FREM2: variants seen among roughly 807,000 people sequenced by gnomAD.
The protein encoded by FREM2 is FRAS1 related extracellular matrix 2, also known as FRAS1-related extracellular matrix protein 2.
Under a neutral mutation model 219.9 loss-of-function variants are expected in FREM2, and 119 were observed. That is an observed-to-expected ratio of 0.54 (90% CI 0.47 to 0.63). The LOEUF is 0.63. FREM2 is among the 30% of genes least tolerant of loss of function. FREM2 has a pLI of 0.00. For missense variants in FREM2, 4,030 were observed against 3,993.6 expected, an observed-to-expected ratio of 1.01 and a Z score of -0.25; for synonymous variants, 1,562 against 1,522.8, an observed-to-expected ratio of 1.03 and a Z score of -0.60.
chr13:38,691,885 G>A lies in FREM2; in HGVS notation c.4541G>A (p.Gly1514Glu). ...AGTTTTGAGTTTCAAGTCACCGATG[G>A]ACGTAACCCTGTCTTTCGGACATTC... ...MDSFEFQVTD[G>E]RNPVFRTFRI... Residue 1514 changes from glycine to glutamate, a missense_variant, in exon 1 of 24, where the codon GGA becomes GAA. Gly to Glu is a moderately conservative substitution (Grantham distance 98, BLOSUM62 -2). Around this residue, in one of 2 missense-constraint regions of FREM2, gnomAD observed 3,102 missense variants for 2,950.7 expected, o/e 1.05. Coordinates refer to ENST00000280481, the MANE Select transcript of FREM2 (RefSeq NM_207361.6). 2 of 1,614,086 alleles carry A rather than the reference G, an allele frequency of 1.2e-6. No individual in the cohort carries two copies.
chr13:38,836,690 GGAATTTATCAATTTCTCCTA>G (rs1876722083), intron 6 of FREM2, among the ~76,000 whole-genome samples: 1 of 152,130 alleles, frequency 6.6e-6, no homozygotes, highest in Non-Finnish European at 1.5e-5. Context: ...TATGTGTCCA[GGAATTTATCAATTTCTCCTA>G]GATTTTCTAG....
At chr13:38,876,204 C>A (rs963814549) in intron 19 of FREM2, 44 bp from the exon 20 acceptor site, 8 of 1,613,364 alleles carry the variant, frequency 5.0e-6, no homozygotes, top group African/African-American at 4.0e-5. Flanking sequence ...TCTGATTACA[C>A]CTCAGATTTT....
intron 2 of FREM2, among the ~76,000 whole-genome samples, chr13:38,754,810 A>G (rs372976767): frequency 6.6e-6 from 1 of 151,650 alleles, no homozygotes; most frequent in African/African-American, 2.4e-5. Context: ...TCCAATGCCT[A>G]TATTATGCCA....
chr13:38,765,801 T>C (rs1873411809), intron 3 of FREM2, among the ~76,000 whole-genome samples: 3 of 152,164 alleles, frequency 2.0e-5, no homozygotes, highest in Admixed American at 6.5e-5. Context: ...GGGGGGCTGG[T>C]CTCCCCGCGG....
chr13:38,877,342 T>A, intron 21 of FREM2, 99 bp downstream of exon 21: 1 of 1,335,806 alleles, frequency 7.5e-7, no homozygotes, highest in Non-Finnish European at 1.1e-6. Flanking sequence ...TTATAGCTTT[T>A]TTTATGGTTT....
rs372483460 is a variant in FREM2, at chr13:38,857,981, A to G, written c.7163A>G (p.Lys2388Arg). ...CTGTTGATGTATGACGACACTTCCAAAGCTAAGGAGAGTGCTGAACCCATG... is the reference window on the plus strand; with the variant it reads ...CTGTTGATGTATGACGACACTTCCAGAGCTAAGGAGAGTGCTGAACCCATG... ...VSLLMYDDTS[K>R]AKESAEPMSG... Residue 2388 changes from lysine to arginine, a missense_variant, in exon 13 of 24, where the codon AAA becomes AGA. Around this residue, in one of 2 missense-constraint regions of FREM2, gnomAD observed 928 missense variants for 1,042.9 expected, o/e 0.89. Coordinates refer to ENST00000280481, the MANE Select transcript of FREM2 (RefSeq NM_207361.6). 6.2e-6 allele frequency: 10 copies of G among 1,613,934 alleles called. No individual in the cohort carries two copies. In the African/African-American group the frequency reaches 1.1e-4, roughly 17 times the overall value.
chr13:38,751,519 A>AG (rs1872765946), intron 2 of FREM2, among the ~76,000 whole-genome samples: 1 of 151,992 alleles, frequency 6.6e-6, no homozygotes, highest in Non-Finnish European at 1.5e-5. Flanking sequence ...TTCCTCTGGG[A>AG]GGGGCCCATC....
intron 2 of FREM2, among the ~76,000 whole-genome samples, chr13:38,755,094 G>T (rs550133592): frequency 3.3e-5 from 5 of 152,016 alleles, no homozygotes; most frequent in Admixed American, 3.3e-4. Context: ...GTAGATACAG[G>T]GTTTCACCAT....
intron 6 of FREM2, chr13:38,827,576 G>A (rs2137884567): frequency 6.6e-6 from 1 of 152,196 alleles, no homozygotes; most frequent in South Asian, 2.1e-4. Context: ...CTGCCTTTGG[G>A]AAGCTTGAAG....
At chr13:38,815,330 T>C (rs937603150) in intron 6 of FREM2, among the ~76,000 whole-genome samples, 1 of 152,174 alleles carries the variant, frequency 6.6e-6, no homozygotes, top group Non-Finnish European at 1.5e-5. Context: ...ACTAGAGAAA[T>C]GTTTTGTTCC....
chr13:38,834,625 T>A (rs567483078), intron 6 of FREM2, among the ~76,000 whole-genome samples: 2 of 152,356 alleles, frequency 1.3e-5, no homozygotes, highest in African/African-American at 4.8e-5. Flanking sequence ...GTTTCCTGAC[T>A]TTTTAATGAT....
At chr13:38,725,685 C>A (rs190101776) in intron 2 of FREM2, among the ~76,000 whole-genome samples, 71 of 152,290 alleles carry the variant, frequency 4.7e-4, no homozygotes, top group African/African-American at 1.6e-3. Context: ...CGTTTGTTCT[C>A]TTCACTTAAA....
chr13:38,725,140 A>G (rs1871462546), intron 2 of FREM2, among the ~76,000 whole-genome samples: 1 of 152,212 alleles, frequency 6.6e-6, no homozygotes, highest in Non-Finnish European at 1.5e-5. Context: ...TGTAATCTAT[A>G]TGTGCAAATA....
intron 1 of FREM2, among the ~76,000 whole-genome samples, chr13:38,693,970 T>C (rs1196670551): frequency 6.6e-6 from 1 of 152,164 alleles, no homozygotes; most frequent in Non-Finnish European, 1.5e-5. Context: ...TTTATTTTCA[T>C]GGAGAGGGAA....
In FREM2 at chr13:38,783,121, G is replaced by C. The variant is rs1444926880; in HGVS notation, c.5693G>C (p.Gly1898Ala). 1.9e-6 allele frequency: 3 copies of C among 1,614,014 alleles called. No individual in the cohort carries two copies. In the South Asian group the frequency reaches 3.3e-5, roughly 18 times the overall value. The part of the protein sequence containing the change: ...QSKYSVEEDV[G>A]ELFIPIRRSG... The stretch of plus-strand genomic sequence containing the variant: ...AAATACTCCGTTGAAGAAGATGTTG[G>C]TGAGCTGTTCATTCCCATCAGGAGG... Residue 1898 changes from glycine (G) to alanine (A), a missense_variant, in exon 5 of 24, where the codon GGT (glycine) becomes GCT (alanine). Around this residue, in one of 2 missense-constraint regions of FREM2, gnomAD observed 3,102 missense variants for 2,950.7 expected, o/e 1.05. Coordinates refer to ENST00000280481, the MANE Select transcript of FREM2 (RefSeq NM_207361.6).
rs1878633161 is a variant in FREM2, at chr13:38,883,806, A to G, written c.*3019A>G. The G allele has an allele frequency of 6.6e-6, 1 of 152,212 alleles. No homozygotes were observed. The highest frequency in any genetic ancestry group is 1.5e-5 in the Non-Finnish European group (1 of 68,036). The allele number at this position is 152,212 out of a possible 1,614,324, so 9.4% of individuals were successfully genotyped here. A position where few individuals can be genotyped will look rare whatever the true frequency, so the allele number is the denominator to read the frequency against. Reference sequence around the variant, plus strand: ...ACCATAATTTAAAAATCTTTCTAGAATAACAACAGCAGACTCCACTCTTGT... The same window carrying G: ...ACCATAATTTAAAAATCTTTCTAGAGTAACAACAGCAGACTCCACTCTTGT... On this transcript the variant is annotated 3_prime_UTR_variant, in exon 24 of 24. Coordinates refer to ENST00000280481, the MANE Select transcript of FREM2 (RefSeq NM_207361.6).
At chr13:38,825,264 G>T (rs1382638426) in intron 6 of FREM2, among the ~76,000 whole-genome samples, 2 of 152,020 alleles carry the variant, frequency 1.3e-5, no homozygotes, top group East Asian at 3.9e-4. Flanking sequence ...CCAGTATGGA[G>T]CACAGTGCCT....
intron 17 of FREM2, among the ~76,000 whole-genome samples, chr13:38,873,196 GATTA>G (rs559721845): frequency 6.4e-4 from 98 of 152,166 alleles, no homozygotes; most frequent in Non-Finnish European, 1.2e-3. Flanking sequence ...TATTTTAGGT[GATTA>G]ATTATTTATG....
intron 6 of FREM2, among the ~76,000 whole-genome samples, chr13:38,803,774 A>G (rs984395345): frequency 1.3e-5 from 2 of 150,034 alleles, no homozygotes; most frequent in African/African-American, 4.9e-5. Flanking sequence ...CACATGTAAA[A>G]GGCAACATGG....
Sources: gnomAD v4.1 joint callset for allele counts (sites outside exome capture counted in the v4.1 genomes callset) on GRCh38, gnomAD v4.1.1 for gene constraint, gnomAD v4.1.1 regional missense constraint, MANE v1.5 for transcripts, NCBI Gene and HGNC (gene_info 2026-07-23, HGNC 2026-07-21) for gene names.